EXD3: variants seen among roughly 807,000 people sequenced by gnomAD.
EXD3 encodes the protein exonuclease mut-7 homolog.
Under a neutral mutation model 98.0 loss-of-function variants are expected in EXD3, and 92 were observed. The observed-to-expected ratio is 0.94, with a 90% CI of 0.79 to 1.12. The LOEUF (loss-of-function observed/expected upper bound fraction) is 1.12. Among genes scored for constraint, EXD3 ranks in the 50% most tolerant of loss-of-function variants. EXD3 has a pLI of 0.00. For synonymous variants in EXD3, 569 were observed against 526.0 expected, an observed-to-expected ratio of 1.08 and a Z score of -1.12; for missense variants, 1,222 against 1,191.6, an observed-to-expected ratio of 1.03 and a Z score of -0.38.
At chr9:137,408,674 A>G (rs1837854735) in intron 1 of EXD3, among the ~76,000 whole-genome samples, 1 of 151,932 alleles carries the variant, frequency 6.6e-6, no homozygotes, top group Admixed American at 6.6e-5. Flanking sequence ...CCTCAGACCA[A>G]TGGTAACCCC....
intron 17 of EXD3, among the ~76,000 whole-genome samples, chr9:137,337,087 AT>A (rs1302108501): frequency 6.6e-6 from 1 of 152,196 alleles, no homozygotes; most frequent in Non-Finnish European, 1.5e-5. Context: ...CCAAAGAATA[AT>A]GGAGAAATGG....
chr9:137,318,294 C>T (rs770982016), intron 19 of EXD3, among the ~76,000 whole-genome samples: 12 of 152,222 alleles, frequency 7.9e-5, no homozygotes, highest in South Asian at 4.1e-4. Context: ...GCTTCCCAGG[C>T]GCCCATGAGC....
chr9:137,347,050 G>GACT lies in EXD3; in HGVS notation c.1998+1020_1998+1021insAGT, dbSNP rs1228848477. 6.6e-6 allele frequency among the ~76,000 whole-genome samples: 1 copy of GACT among 152,170 alleles called. No individual in the cohort carries two copies. The highest frequency in any genetic ancestry group is 1.9e-4 in the East Asian group (1 of 5,200). On this transcript the variant is annotated intron_variant, in intron 17 of 21. Coordinates refer to ENST00000340951, the MANE Select transcript of EXD3 (RefSeq NM_017820.5). This position sits in a 1 kb window ranked among gnomAD's most constrained non-coding sequence, Gnocchi z 4.2. ...AGGCTGGTCTTGAACCCCTGACCTT[G>GACT]TGATCCACCCGCCTCGGCCTCCCAG...
intron 1 of EXD3, among the ~76,000 whole-genome samples, chr9:137,411,290 A>G (rs1837984520): frequency 6.6e-6 from 1 of 152,084 alleles, no homozygotes; most frequent in South Asian, 2.1e-4. Context: ...CTTCCCAGAG[A>G]AGGAAACCAG....
intron 17 of EXD3, among the ~76,000 whole-genome samples, chr9:137,338,444 G>GA (rs1445033683): frequency 6.6e-6 from 1 of 151,964 alleles, no homozygotes; most frequent in East Asian, 1.9e-4. Context: ...ATAAGAGTCT[G>GA]AAAATTAAAG....
chr9:137,332,457 G>A (rs527562542), intron 17 of EXD3, among the ~76,000 whole-genome samples: 1 of 151,818 alleles, frequency 6.6e-6, no homozygotes, highest in African/African-American at 2.4e-5. Flanking sequence ...CATGGTAGTG[G>A]GCACCTGTAG....
At chr9:137,315,476 T>G (rs1001795453) in intron 19 of EXD3, among the ~76,000 whole-genome samples, 3 of 152,012 alleles carry the variant, frequency 2.0e-5, no homozygotes, top group African/African-American at 7.2e-5. Context: ...CCCCTCTGGG[T>G]GTGGCCCCTG....
intron 8 of EXD3, among the ~76,000 whole-genome samples, chr9:137,355,826 G>T (rs898173523): frequency 2.0e-5 from 3 of 152,172 alleles, no homozygotes; most frequent in Non-Finnish European, 2.9e-5. Context: ...CATGGAAGGG[G>T]CCTCAGTGCA....
At chr9:137,400,144 G>T (rs1372064691) in intron 1 of EXD3, among the ~76,000 whole-genome samples, 2 of 151,918 alleles carry the variant, frequency 1.3e-5, no homozygotes, top group Admixed American at 1.3e-4. Context: ...GGAAAAACTG[G>T]CCCCCATGAT....
intron 10 of EXD3, chr9:137,353,066 A>G (rs1834393012): frequency 3.2e-6 from 4 of 1,268,458 alleles, no homozygotes; most frequent in Non-Finnish European, 4.0e-6. Context: ...AAGGCTGCCC[A>G]CCTCAGTTCA....
intron 2 of EXD3, among the ~76,000 whole-genome samples, chr9:137,387,824 G>A (rs967656075): frequency 3.9e-5 from 6 of 152,312 alleles, no homozygotes; most frequent in African/African-American, 9.6e-5. Context: ...GGTCCCCAGC[G>A]TGGATGTTTG....
intron 1 of EXD3, among the ~76,000 whole-genome samples, chr9:137,417,459 G>A (rs927713102): frequency 6.6e-6 from 1 of 152,196 alleles, no homozygotes; most frequent in Non-Finnish European, 1.5e-5. Context: ...AGCCAACGGC[G>A]CGAGGGGCGG....
chr9:137,327,886 A>G (rs1832538371), intron 17 of EXD3, among the ~76,000 whole-genome samples: 2 of 144,822 alleles, frequency 1.4e-5, no homozygotes, highest in South Asian at 2.2e-4. Context: ...AACAATGAAT[A>G]AACACCCACA....
At chr9:137,373,735 C>T in intron 3 of EXD3, 136 bp from the exon 4 acceptor site, 2 of 974,474 alleles carry the variant, frequency 2.1e-6, no homozygotes, top group Non-Finnish European at 1.5e-6. Context: ...GCCATCTGCG[C>T]CTCCGTGACT....
At chr9:137,321,175 G>T (rs557408013) in intron 19 of EXD3, among the ~76,000 whole-genome samples, 1 of 152,222 alleles carries the variant, frequency 6.6e-6, no homozygotes, top group Non-Finnish European at 1.5e-5. Flanking sequence ...TTCAATCCCC[G>T]CCAGGCCCAG....
chr9:137,383,964 G>T (rs1408532356), intron 2 of EXD3, among the ~76,000 whole-genome samples: 2 of 152,228 alleles, frequency 1.3e-5, no homozygotes, highest in Non-Finnish European at 2.9e-5. Flanking sequence ...GAACCCAGGG[G>T]CTGCGTGGCT....
intron 1 of EXD3, among the ~76,000 whole-genome samples, chr9:137,419,706 C>T (rs965226837): frequency 1.3e-5 from 2 of 151,990 alleles, no homozygotes; most frequent in Middle Eastern, 3.2e-3. Flanking sequence ...AAGGTACAGT[C>T]CAAAATTTGC....
At chr9:137,390,258 A>G (rs550469812) in intron 2 of EXD3, among the ~76,000 whole-genome samples, 1,505 of 150,270 alleles carry the variant, frequency 0.01, 17 homozygotes, top group African/African-American at 0.021. Flanking sequence ...GTGAAACCCC[A>G]TCTCTACTAA....
chr9:137,368,897 G>T (rs1327381460), intron 5 of EXD3, among the ~76,000 whole-genome samples: 2 of 149,166 alleles, frequency 1.3e-5, no homozygotes, highest in Non-Finnish European at 3.0e-5. Flanking sequence ...CCGGGGCGGG[G>T]CCCCAGGGCT....
Sources: allele counts gnomAD v4.1 joint callset (sites outside exome capture counted in the v4.1 genomes callset), GRCh38; gene constraint gnomAD v4.1.1; non-coding constraint Gnocchi (gnomAD v3.1); transcripts MANE v1.5; gene names NCBI Gene and HGNC (gene_info 2026-07-23, HGNC 2026-07-21).